Variants in CLASP2 observed in about 807,000 individuals in gnomAD.
The protein encoded by CLASP2 is cytoplasmic linker associated protein 2, also known as CLIP-associating protein 2.
CLASP2 carries 47 observed loss-of-function variants against 194.4 expected under a neutral mutation model. The ratio of observed to expected loss-of-function variants is 0.24; its 90% CI spans 0.19 to 0.31. The LOEUF is 0.31. Among genes scored for constraint, CLASP2 ranks in the 10% least tolerant of loss-of-function variants. CLASP2 has a pLI of 1.00. For missense variants in CLASP2, 1,445 were observed against 1,823.6 expected, an observed-to-expected ratio of 0.79 and a Z score of 3.78; for synonymous variants, 619 against 633.5, an observed-to-expected ratio of 0.98 and a Z score of 0.34.
intron 34 of CLASP2, among the ~76,000 whole-genome samples, chr3:33,520,255 C>G (rs2052612520): frequency 6.6e-6 from 1 of 152,228 alleles, no homozygotes; most frequent in Non-Finnish European, 1.5e-5. Flanking sequence ...ATCTGCCTGC[C>G]TCGGCCTCCC....
intron 6 of CLASP2, among the ~76,000 whole-genome samples, chr3:33,667,406 C>CAAAAAA (rs537846651): frequency 1.4e-4 from 6 of 44,126 alleles, no homozygotes; most frequent in Admixed American, 2.9e-4. Flanking sequence ...GAGACTATCT[C>CAAAAAA]AAAAAAAAAA....
intron 38 of CLASP2, among the ~76,000 whole-genome samples, chr3:33,499,201 C>G (rs922839921): frequency 5.9e-5 from 9 of 152,134 alleles, no homozygotes; most frequent in African/African-American, 9.7e-5. Flanking sequence ...CGCTCTGCAG[C>G]TCTCCCATTC....
chr3:33,652,471 T>C (rs1433680952), intron 7 of CLASP2, among the ~76,000 whole-genome samples: 2 of 152,202 alleles, frequency 1.3e-5, no homozygotes, highest in Non-Finnish European at 2.9e-5. Flanking sequence ...CTCCTTGGCT[T>C]TTCTCTAATC....
Position 33,535,493 on chromosome 3 carries a change from T to C in CLASP2, c.3559-32A>G, listed in dbSNP as rs749603037. On this transcript the variant is annotated intron_variant, in intron 33 of 38. Transcript: ENST00000682230. ...ATGGGAAGTGAAAGCCACAGCAAAT[T>C]AACTCATTTTTCAAGTATCTATTTA... 2.9e-5 allele frequency: 44 copies of C among 1,514,318 alleles called. No homozygotes were observed. The South Asian group carries it at 5.0e-4, about 17-fold the overall frequency. The allele number at this position is 1,514,318 out of a possible 1,614,324, so 93.8% of individuals were successfully genotyped here.
chr3:33,678,215 T>C (rs1044967818), intron 6 of CLASP2, among the ~76,000 whole-genome samples: 4 of 151,704 alleles, frequency 2.6e-5, no homozygotes, highest in Admixed American at 1.3e-4. Context: ...GAAACAATAA[T>C]CATGGAGAAT....
intron 7 of CLASP2, among the ~76,000 whole-genome samples, chr3:33,653,793 T>C (rs1432176531): frequency 1.3e-5 from 2 of 152,126 alleles, no homozygotes; most frequent in African/African-American, 4.8e-5. Context: ...TAAGTAGTAA[T>C]GGAAATTCAT....
rs1489554211 is a variant in CLASP2, at chr3:33,687,055, T to C, written c.546+5A>G. ...GTCAATGCTTGAATGTAAATAAAAT[T>C]TTACCTGACTGTTGGAGTCTCCAAA... On this transcript the variant is annotated splice_donor_5th_base_variant and intron_variant, in intron 5 of 38. Coordinates refer to ENST00000682230, the MANE Select transcript of CLASP2 (RefSeq NM_001365631.1). The C allele has an allele frequency of 1.3e-6, 2 of 1,545,842 alleles. No individual in the cohort carries two copies. Among genetic ancestry groups the C allele is most frequent in the Admixed American group, 3.8e-5 (2 of 52,276 alleles).
At chr3:33,616,734 CTTTT>C (rs958911625) in intron 12 of CLASP2, among the ~76,000 whole-genome samples, 4 of 95,374 alleles carry the variant, frequency 4.2e-5, no homozygotes, top group Middle Eastern at 8.8e-3. Context: ...ACTATACTTC[CTTTT>C]TTTTTTTTTT....
intron 37 of CLASP2, chr3:33,504,340 C>T (rs1172105117): frequency 6.6e-6 from 1 of 152,184 alleles, no homozygotes; most frequent in African/African-American, 2.4e-5. Flanking sequence ...ATTTAGATCA[C>T]TGATTTGTTT....
chr3:33,542,884 A>G lies in CLASP2; in HGVS notation c.3404+549T>C, dbSNP rs1012663793. Among the ~76,000 whole-genome samples the G allele has an allele frequency of 2.6e-5, 4 of 152,174 alleles. No homozygotes were observed. The East Asian group carries it at 7.7e-4, about 29-fold the overall frequency. On this transcript the variant is annotated intron_variant, in intron 32 of 38. Transcript: ENST00000682230. The stretch of plus-strand genomic sequence containing the variant: ...GAAATATAACTATGCCATTTAATGT[A>G]ATAAGCAGTAATTTATTTAAAAAGG...
intron 37 of CLASP2, among the ~76,000 whole-genome samples, chr3:33,506,326 C>T (rs1029912022): frequency 1.5e-5 from 2 of 134,614 alleles, no homozygotes; most frequent in Non-Finnish European, 3.0e-5. Flanking sequence ...TTCAGTGAGC[C>T]GAGATTGTGC....
intron 7 of CLASP2, among the ~76,000 whole-genome samples, chr3:33,652,094 C>G (rs1394603244): frequency 6.6e-6 from 1 of 151,956 alleles, no homozygotes; most frequent in Non-Finnish European, 1.5e-5. Context: ...GAAAAAAATA[C>G]ATCTTATGTG....
chr3:33,498,743 C>G, intron 38 of CLASP2, 26 bp from the exon 39 acceptor site: 1 of 1,503,624 alleles, frequency 6.7e-7, no homozygotes, highest in Non-Finnish European at 9.3e-7. Flanking sequence ...AAATAAATGT[C>G]ATTTGAGCAA....
At chr3:33,544,159 A>G (rs1181508949) in intron 31 of CLASP2, among the ~76,000 whole-genome samples, 1 of 152,166 alleles carries the variant, frequency 6.6e-6, no homozygotes, top group Non-Finnish European at 1.5e-5. Flanking sequence ...AAAAATATAT[A>G]TATGTATACA....
chr3:33,515,020 A>AT (rs2050898790), intron 36 of CLASP2, among the ~76,000 whole-genome samples: 1 of 152,266 alleles, frequency 6.6e-6, no homozygotes, highest in South Asian at 2.1e-4. Context: ...GAGCTAGGCT[A>AT]TGAGGGTGCA....
chr3:33,534,876 A>C (rs1007002819), intron 34 of CLASP2, among the ~76,000 whole-genome samples: 1 of 152,232 alleles, frequency 6.6e-6, no homozygotes, highest in Non-Finnish European at 1.5e-5. Flanking sequence ...GGCTACTATA[A>C]AGAATGGGTA....
intron 7 of CLASP2, among the ~76,000 whole-genome samples, chr3:33,649,344 C>T (rs1463703232): frequency 6.6e-6 from 1 of 152,140 alleles, no homozygotes; most frequent in East Asian, 1.9e-4. Context: ...CTGTGTCCTG[C>T]TACTGAAATA....
chr3:33,583,133 T>C (rs968801248), intron 22 of CLASP2, among the ~76,000 whole-genome samples: 2 of 152,096 alleles, frequency 1.3e-5, no homozygotes, highest in Non-Finnish European at 2.9e-5. Flanking sequence ...CTCAAGAAGA[T>C]AGCTGAGCAA....
In CLASP2 at chr3:33,606,580, T is replaced by C. The variant is rs1182360281; in HGVS notation, c.1694+11A>G. 4 of 1,607,268 alleles carry C rather than the reference T, an allele frequency of 2.5e-6. No individual in the cohort carries two copies. The highest frequency in any genetic ancestry group is 3.4e-6 in the Non-Finnish European group (4 of 1,175,616). On this transcript the variant is annotated intron_variant, in intron 16 of 38. Coordinates refer to ENST00000682230, the MANE Select transcript of CLASP2 (RefSeq NM_001365631.1). ...GGAAGAGACTAGTAATCATTATTTA[T>C]ATGACCTTACTTGAGACTTTCCTGT...
Sources: gnomAD v4.1 joint callset for allele counts (sites outside exome capture counted in the v4.1 genomes callset) on GRCh38, gnomAD v4.1.1 for gene constraint, MANE v1.5 for transcripts, NCBI Gene and HGNC (gene_info 2026-07-23, HGNC 2026-07-21) for gene names.